SUCLG2: variants seen among roughly 807,000 people sequenced by gnomAD.
SUCLG2 encodes succinate-CoA ligase GDP-forming subunit beta.
Under a neutral mutation model 47.9 loss-of-function variants are expected in SUCLG2, and 42 were observed. That is an observed-to-expected ratio of 0.88 (90% CI 0.69 to 1.14). SUCLG2 has a LOEUF of 1.14. SUCLG2 is among the 50% of genes most tolerant of loss of function. SUCLG2 has a pLI of 0.00. For synonymous variants in SUCLG2, 195 were observed against 197.3 expected, an observed-to-expected ratio of 0.99 and a Z score of 0.10; for missense variants, 571 against 525.9, an observed-to-expected ratio of 1.09 and a Z score of -0.84.
rs149315469 is a variant in SUCLG2, at chr3:67,381,843, T to A, written c.1184-5984A>T. ...TTAAAAATTCGTGACCTCCTTGGCA[T>A]GTTACCAGTGACTTTCTGCCACTGG... On this transcript the variant is annotated intron_variant, in intron 10 of 10. Transcript: ENST00000307227. Among the ~76,000 whole-genome samples, 178 of 152,306 alleles carry A rather than the reference T, an allele frequency of 1.2e-3. 2 individuals are homozygous for A. The East Asian group carries it at 0.029, about 25-fold the overall frequency.
At chr3:67,486,714 C>T (rs998852878) in intron 9 of SUCLG2, among the ~76,000 whole-genome samples, 4 of 152,106 alleles carry the variant, frequency 2.6e-5, no homozygotes, top group African/African-American at 9.7e-5. Context: ...CAATACTATG[C>T]TTGGGGGCCA....
intron 1 of SUCLG2, among the ~76,000 whole-genome samples, chr3:67,628,290 C>T (rs977808480): frequency 3.9e-5 from 6 of 152,158 alleles, no homozygotes; most frequent in African/African-American, 1.2e-4. Context: ...CTGCATGAGA[C>T]ATTGTAGGCA....
In SUCLG2 at chr3:67,443,346, C is replaced by G. The variant is rs1216348914; in HGVS notation, c.1063-42495G>C. ...GCTGTCTCAGTCTTTGCCGCCGCGC[C>G]GGCGAGCGCCCCTCGGGAGGCAGCG... On this transcript the variant is annotated intron_variant, in intron 9 of 10. Coordinates refer to ENST00000307227, the MANE Select transcript of SUCLG2 (RefSeq NM_003848.4). 5.2e-5 allele frequency among the ~76,000 whole-genome samples: 2 copies of G among 38,328 alleles called. 1 individual carries two copies. The highest frequency in any genetic ancestry group is 1.2e-4 in the Non-Finnish European group (2 of 16,554). 25.1% of individuals were successfully genotyped at this position (38,328 alleles called of 152,430 possible).
chr3:67,612,402 A>T (rs1227500191), intron 1 of SUCLG2, among the ~76,000 whole-genome samples: 1 of 142,676 alleles, frequency 7.0e-6, no homozygotes, highest in Non-Finnish European at 1.5e-5. Flanking sequence ...AGTATAATTT[A>T]TGTTTACTTC....
intron 2 of SUCLG2, among the ~76,000 whole-genome samples, chr3:67,536,317 A>G (rs1005164258): frequency 6.6e-5 from 10 of 152,314 alleles, no homozygotes; most frequent in African/African-American, 2.2e-4. Flanking sequence ...CAATATTACT[A>G]ATTTCAGAGA....
intron 10 of SUCLG2, among the ~76,000 whole-genome samples, chr3:67,363,705 CTG>C (rs1206961835): frequency 6.6e-6 from 1 of 152,072 alleles, no homozygotes; most frequent in Admixed American, 6.6e-5. Context: ...GAAAGCATGA[CTG>C]TGGTTTTTGA....
At chr3:67,528,289 C>A in intron 3 of SUCLG2, 67 bp from the exon 4 acceptor site, 1 of 1,391,828 alleles carries the variant, frequency 7.2e-7, no homozygotes, top group Non-Finnish European at 1.0e-6. Context: ...AGAGTCCTTA[C>A]ACAGAGCCTC....
chr3:67,466,399 T>C (rs1481406628), intron 9 of SUCLG2, among the ~76,000 whole-genome samples: 1 of 152,178 alleles, frequency 6.6e-6, no homozygotes, highest in Non-Finnish European at 1.5e-5. Flanking sequence ...TTTAAAAAGA[T>C]GGATTTAATA....
intron 9 of SUCLG2, among the ~76,000 whole-genome samples, chr3:67,442,605 G>T (rs1206245696): frequency 6.6e-6 from 1 of 152,154 alleles, no homozygotes; most frequent in Non-Finnish European, 1.5e-5. Flanking sequence ...TTTCAGATAT[G>T]ACCAAAGACT....
At position 67,529,076 on chromosome 3, in the gene SUCLG2, T is replaced by C; in HGVS notation, c.326+11A>G. Reference sequence around the variant, plus strand: ...GGCCAAAAGACAAGGAATAACAACCTCCAGACTTACTCTTTTGTTAAATGA... The same window carrying C: ...GGCCAAAAGACAAGGAATAACAACCCCCAGACTTACTCTTTTGTTAAATGA... On this transcript the variant is annotated intron_variant, in intron 3 of 10. Coordinates refer to ENST00000307227, the MANE Select transcript of SUCLG2 (RefSeq NM_003848.4). 3 of 1,600,482 alleles carry C rather than the reference T, an allele frequency of 1.9e-6. No homozygotes were observed. Among genetic ancestry groups the C allele is most frequent in the Non-Finnish European group, 2.6e-6 (3 of 1,173,834 alleles).
At position 67,375,468 on chromosome 3, in the gene SUCLG2, C is replaced by A; in HGVS notation, c.*276G>T. 1 of 1,123,128 alleles carries A rather than the reference C, an allele frequency of 8.9e-7. No homozygotes were observed. The highest frequency in any genetic ancestry group is 1.6e-5 in the African/African-American group (1 of 61,676). 69.6% of individuals were successfully genotyped at this position (1,123,128 alleles called of 1,614,324 possible). A position where few individuals can be genotyped will look rare whatever the true frequency, so the allele number is the denominator to read the frequency against. Reference sequence around the variant, plus strand: ...TACACACAATATTTGGCCACATAGACCACTCCCCAAAGTCTGCAAAACACT... The same window carrying A: ...TACACACAATATTTGGCCACATAGAACACTCCCCAAAGTCTGCAAAACACT... On this transcript the variant is annotated 3_prime_UTR_variant, in exon 11 of 11. Transcript: ENST00000307227.
chr3:67,612,428 A>C (rs1016586228), intron 1 of SUCLG2, among the ~76,000 whole-genome samples: 1 of 41,726 alleles, frequency 2.4e-5, no homozygotes, highest in African/African-American at 1.9e-4. Flanking sequence ...TCTCAGTTGT[A>C]AAAAAAGGGT....
At chr3:67,497,487 G>C (rs934469766) in intron 8 of SUCLG2, among the ~76,000 whole-genome samples, 1 of 152,128 alleles carries the variant, frequency 6.6e-6, no homozygotes, top group African/African-American at 2.4e-5. Context: ...ATTTAGATGA[G>C]TGTGATAAAA....
intron 9 of SUCLG2, among the ~76,000 whole-genome samples, chr3:67,494,452 C>A (rs920099215): frequency 6.6e-6 from 1 of 151,916 alleles, no homozygotes; most frequent in Admixed American, 6.6e-5. Flanking sequence ...CTGAGCAACA[C>A]AGCAAGACAA....
chr3:67,546,589 G>A (rs1215178359), intron 2 of SUCLG2, among the ~76,000 whole-genome samples: 2 of 152,168 alleles, frequency 1.3e-5, no homozygotes, highest in Non-Finnish European at 2.9e-5. Flanking sequence ...ACAAAAATTA[G>A]CCGGGCGTGG....
chr3:67,548,102 A>T (rs1055407105), intron 2 of SUCLG2, among the ~76,000 whole-genome samples: 13 of 152,154 alleles, frequency 8.5e-5, no homozygotes, highest in Non-Finnish European at 1.5e-5. Flanking sequence ...GAAAAATAAG[A>T]TTTGTGCTGA....
chr3:67,475,999 C>G (rs969637765), intron 9 of SUCLG2, among the ~76,000 whole-genome samples: 1 of 151,992 alleles, frequency 6.6e-6, no homozygotes, highest in African/African-American at 2.4e-5. Context: ...CTCTCTCTCT[C>G]TCTCTCTCTC....
intron 9 of SUCLG2, among the ~76,000 whole-genome samples, chr3:67,492,368 T>A (rs1421281777): frequency 1.3e-5 from 2 of 152,224 alleles, no homozygotes; most frequent in South Asian, 2.1e-4. Flanking sequence ...TTGCTACACC[T>A]TTGGAATTCT....
chr3:67,593,227 C>T, intron 2 of SUCLG2, among the ~76,000 whole-genome samples: 1 of 135,898 alleles, frequency 7.4e-6, no homozygotes, highest in East Asian at 2.0e-4. Flanking sequence ...AGTTGTTATT[C>T]TACCCTATAG....
Sources: gnomAD v4.1 joint callset for allele counts (sites outside exome capture counted in the v4.1 genomes callset) on GRCh38, gnomAD v4.1.1 for gene constraint, MANE v1.5 for transcripts, NCBI Gene and HGNC (gene_info 2026-07-23, HGNC 2026-07-21) for gene names.